The following NDEL1 variants were observed in gnomAD, a reference collection of about 807,000 sequenced individuals.
NDEL1 encodes nuclear distribution protein nudE-like 1.
Under a neutral mutation model 45.7 loss-of-function variants are expected in NDEL1, and 9 were observed. The ratio of observed to expected loss-of-function variants is 0.20; its 90% CI spans 0.12 to 0.34. The LOEUF (loss-of-function observed/expected upper bound fraction) is 0.34. Ranked by LOEUF, NDEL1 falls within the 10% of genes least tolerant of loss-of-function variation. NDEL1 has a pLI of 1.00. For synonymous variants in NDEL1, 133 were observed against 158.6 expected, an observed-to-expected ratio of 0.84 and a Z score of 1.21; for missense variants, 306 against 406.2, an observed-to-expected ratio of 0.75 and a Z score of 2.12.
upstream of NDEL1, among the ~76,000 whole-genome samples, chr17:8,432,577 G>A (rs1909044278): frequency 2.0e-5 from 3 of 151,302 alleles, no homozygotes; most frequent in Admixed American, 2.0e-4. Context: ...GTAGAGACGG[G>A]TTTTCACCGT....
chr17:8,438,023 A>G (rs1909465739), intron 1 of NDEL1, among the ~76,000 whole-genome samples: 2 of 152,132 alleles, frequency 1.3e-5, no homozygotes, highest in East Asian at 1.9e-4. Flanking sequence ...CAGTGGCACA[A>G]TCTCGGCTCA....
intron 1 of NDEL1, among the ~76,000 whole-genome samples, chr17:8,413,692 C>T (rs1908478074): frequency 6.6e-6 from 1 of 152,188 alleles, no homozygotes; most frequent in Admixed American, 6.5e-5. Context: ...CGATCATGTC[C>T]TGGGACCTTG....
At chr17:8,443,261 C>T (rs540308628) in intron 1 of NDEL1, among the ~76,000 whole-genome samples, 1 of 152,284 alleles carries the variant, frequency 6.6e-6, no homozygotes, top group South Asian at 2.1e-4. Context: ...ATGCATTGCC[C>T]TGTGGTAATA....
Position 8,444,330 on chromosome 17 carries a change from A to C in NDEL1, c.59A>C (p.Lys20Thr). ...SSLKEETAYWKELSLKYKQSF... is the reference protein window; with the variant it reads ...SSLKEETAYWTELSLKYKQSF... ...TTAAAGGAGGAAACTGCTTATTGGA[A>C]GGAACTTTCCTTGAAGTATAAGCAA... is the stretch of plus-strand genomic sequence containing the variant. Residue 20 changes from lysine (K) to threonine (T), a missense_variant, in exon 2 of 9, where the codon AAG (lysine) becomes ACG (threonine). This residue lies in a region of NDEL1 where 112 missense variants were observed against 148.3 expected (regional missense o/e 0.76). Transcript: ENST00000334527. The C allele has an allele frequency of 6.2e-7, 1 of 1,613,232 alleles. No homozygotes were observed. The highest frequency in any genetic ancestry group is 8.5e-7 in the Non-Finnish European group (1 of 1,179,392).
intron 7 of NDEL1, among the ~76,000 whole-genome samples, chr17:8,459,067 TG>T (rs1911034191): frequency 6.6e-6 from 1 of 152,118 alleles, no homozygotes; most frequent in South Asian, 2.1e-4. Context: ...TATTGAAATG[TG>T]GGGGGAGGAG....
At chr17:8,438,629 C>T (rs545048972) in intron 1 of NDEL1, among the ~76,000 whole-genome samples, 3 of 152,072 alleles carry the variant, frequency 2.0e-5, no homozygotes, top group East Asian at 1.9e-4. Context: ...GATCCTCCCA[C>T]CACAGTCTCA....
chr17:8,457,434 A>G (rs915175399), intron 7 of NDEL1, among the ~76,000 whole-genome samples: 1 of 152,232 alleles, frequency 6.6e-6, no homozygotes, highest in Non-Finnish European at 1.5e-5. Context: ...TGGTTTACAC[A>G]TTCAGCTGAC....
chr17:8,429,474 C>T (rs1345772886), intron 1 of NDEL1, among the ~76,000 whole-genome samples: 1 of 151,970 alleles, frequency 6.6e-6, no homozygotes, highest in East Asian at 1.9e-4. Flanking sequence ...AAGGAGTGCT[C>T]ACTTTGGGAC....
intron 3 of NDEL1, among the ~76,000 whole-genome samples, chr17:8,446,381 G>A (rs1910078729): frequency 1.3e-5 from 2 of 152,132 alleles, no homozygotes; most frequent in Non-Finnish European, 2.9e-5. Flanking sequence ...GGGAGTGGGT[G>A]GGTTCTGGGA....
intron 1 of NDEL1, among the ~76,000 whole-genome samples, chr17:8,417,810 G>A (rs1908589591): frequency 6.6e-6 from 1 of 152,156 alleles, no homozygotes; most frequent in African/African-American, 2.4e-5. Flanking sequence ...CCTCGGATGT[G>A]TCCAGTCTCC....
At position 8,423,343 on chromosome 17, in the gene NDEL1, T is replaced by C. The variant is rs892239645; in HGVS notation, c.-13+10074T>C. The stretch of plus-strand genomic sequence containing the variant: ...TTTAGAAGGTATGAAATTGAAAAGA[T>C]TGTAGGGCAGAAACTTACACTGGAG... On this transcript the variant is annotated intron_variant, in intron 1 of 4. Coordinates refer to the NDEL1 transcript ENST00000582812. 3.3e-5 allele frequency among the ~76,000 whole-genome samples: 5 copies of C among 152,054 alleles called. 1 individual carries two copies. The highest frequency in any genetic ancestry group is 7.3e-5 in the African/African-American group (3 of 41,378).
intron 1 of NDEL1, chr17:8,436,280 C>T: frequency 5.6e-6 from 1 of 179,756 alleles, no homozygotes; most frequent in Non-Finnish European, 1.2e-5. Context: ...GGAACGATTC[C>T]GGTGGCCTCC....
At chr17:8,456,729 C>T (rs1435681803) in intron 7 of NDEL1, among the ~76,000 whole-genome samples, 2 of 152,184 alleles carry the variant, frequency 1.3e-5, no homozygotes, top group Non-Finnish European at 2.9e-5. Context: ...GAACGCCTGA[C>T]TTCAGGTGAT....
intron 1 of NDEL1, among the ~76,000 whole-genome samples, chr17:8,429,763 T>C (rs1460280602): frequency 1.3e-5 from 2 of 152,092 alleles, no homozygotes; most frequent in African/African-American, 4.8e-5. Flanking sequence ...TTGTTCCTTA[T>C]CACAAAGGTA....
intron 1 of NDEL1, among the ~76,000 whole-genome samples, chr17:8,437,732 A>G (rs1286427216): frequency 6.6e-6 from 1 of 152,204 alleles, no homozygotes; most frequent in Non-Finnish European, 1.5e-5. Context: ...ACCAGAAACA[A>G]TATCATTGAA....
chr17:8,449,994 C>T (rs763179477), intron 5 of NDEL1, among the ~76,000 whole-genome samples: 1 of 152,092 alleles, frequency 6.6e-6, no homozygotes, highest in African/African-American at 2.4e-5. Flanking sequence ...GTTAAAAACT[C>T]GACATTGGCT....
chr17:8,450,851 A>G lies in NDEL1; in HGVS notation c.598A>G (p.Thr200Ala). The stretch of plus-strand genomic sequence containing the variant: ...TAGAAAGTCGGCTCCTAGCTCTCCA[A>G]CTCTAGACTGTGAAAAGATGGACTC... ...VTRKSAPSSP[T>A]LDCEKMDSAV... is the part of the protein sequence containing the mutation. Residue 200 changes from threonine (T) to alanine (A), a missense_variant, in exon 6 of 9, where the codon ACT (threonine) becomes GCT (alanine). Transcript: ENST00000334527. 1.2e-6 allele frequency: 2 copies of G among 1,613,158 alleles called. No individual in the cohort carries two copies. Among genetic ancestry groups the G allele is most frequent in the Non-Finnish European group, 1.7e-6 (2 of 1,179,678 alleles).
At chr17:8,437,384 A>G (rs960050674) in intron 1 of NDEL1, among the ~76,000 whole-genome samples, 1 of 152,314 alleles carries the variant, frequency 6.6e-6, no homozygotes, top group South Asian at 2.1e-4. Context: ...GAAGTTGGAT[A>G]AAGAGCTTAA....
chr17:8,422,446 T>C (rs1048403608), intron 1 of NDEL1, among the ~76,000 whole-genome samples: 2 of 151,552 alleles, frequency 1.3e-5, no homozygotes, highest in African/African-American at 4.9e-5. Flanking sequence ...GCAGCTGGGA[T>C]TACAGGCACC....
Sources: gnomAD v4.1 joint callset for allele counts (sites outside exome capture counted in the v4.1 genomes callset) on GRCh38, gnomAD v4.1.1 for gene constraint, gnomAD v4.1.1 regional missense constraint, MANE v1.5 for transcripts, NCBI Gene and HGNC (gene_info 2026-07-23, HGNC 2026-07-21) for gene names.